SATL1: variants seen among roughly 807,000 people sequenced by gnomAD.
The protein encoded by SATL1 is spermidine/spermine N(1)-acetyltransferase-like protein 1.
A neutral mutation model predicts 51.8 loss-of-function variants in SATL1; 47 were observed. That is an observed-to-expected ratio of 0.91 (90% confidence interval 0.72 to 1.16). The LOEUF (loss-of-function observed/expected upper bound fraction) is 1.16, where lower values mean the gene tolerates loss of function less well. Among genes scored for constraint, SATL1 ranks in the 50% most tolerant of loss-of-function variants. The probability of loss-of-function intolerance (pLI) is 0.00; values close to 1 mark genes in which losing one functional copy is unlikely to be tolerated. For missense variants in SATL1, 520 were observed against 526.4 expected, an observed-to-expected ratio of 0.99 and a Z score of 0.12; for synonymous variants, 176 against 182.4, an observed-to-expected ratio of 0.97 and a Z score of 0.28.
chrX:85,169,290 G>T (rs1402535551), intron 2 of SATL1, among the ~76,000 whole-genome samples: 1 of 111,643 alleles, frequency 9.0e-6, no homozygotes, highest in Non-Finnish European at 1.9e-5. Context: ...TTAAACTAAA[G>T]AGTTTCTGCA....
intron 4 of SATL1, among the ~76,000 whole-genome samples, chrX:85,095,853 A>AG (rs1924704796): frequency 9.4e-5 from 9 of 96,211 alleles, no homozygotes; most frequent in African/African-American, 3.5e-4. Context: ...AAAAAAAAAA[A>AG]GATGGAGAGG....
chrX:85,105,014 T>C (rs976978461), intron 3 of SATL1, among the ~76,000 whole-genome samples: 6 of 111,650 alleles, frequency 5.4e-5, no homozygotes, highest in Non-Finnish European at 1.1e-4. Flanking sequence ...GTTACCATAG[T>C]ATTTTAATTA....
Position 85,114,380 on chromosome X carries a change from C to T in SATL1, c.-312-5100G>A, listed in dbSNP as rs980111650. ...TATTTGTTCACTGCATGCAGTCCTG[C>T]TCTGCTTGATATTCATGAACGTTTT... On this transcript the variant is annotated intron_variant, in intron 2 of 7. Coordinates refer to ENST00000644105, the MANE Select transcript of SATL1 (RefSeq NM_001367857.2). 3.6e-5 allele frequency among the ~76,000 whole-genome samples: 4 copies of T among 111,460 alleles called. No homozygotes were observed. In the South Asian group the frequency reaches 1.1e-3, roughly 32 times the overall value.
At chrX:85,172,341 T>C (rs1431479398) in intron 2 of SATL1, among the ~76,000 whole-genome samples, 1 of 111,536 alleles carries the variant, frequency 9.0e-6, no homozygotes, top group Non-Finnish European at 1.9e-5. Flanking sequence ...GGAGATGTAA[T>C]GTCAAATAAC....
intron 2 of SATL1, among the ~76,000 whole-genome samples, chrX:85,161,848 A>G (rs752501627): frequency 9.0e-6 from 1 of 111,446 alleles, no homozygotes; most frequent in South Asian, 3.8e-4. Flanking sequence ...ATCCAAAACT[A>G]ACAGAATATA....
intron 1 of SATL1, among the ~76,000 whole-genome samples, chrX:85,242,400 C>G (rs892271592): frequency 2.7e-5 from 3 of 112,495 alleles, no homozygotes; most frequent in Non-Finnish European, 5.6e-5. Context: ...CTATGGCCCA[C>G]AAGCCAAATC....
chrX:85,123,816 C>T lies in SATL1; in HGVS notation c.-312-14536G>A, dbSNP rs1184915587. On this transcript the variant is annotated intron_variant, in intron 2 of 7. Coordinates refer to ENST00000644105, the MANE Select transcript of SATL1 (RefSeq NM_001367857.2). ...CTGGTTTCCCTGTCATAGTAATTGC[C>T]AACTATGATTTCATATCAGTCTTTT... 6.3e-5 allele frequency among the ~76,000 whole-genome samples: 7 copies of T among 111,256 alleles called. No homozygotes were observed. The East Asian group carries it at 2.0e-3, about 32-fold the overall frequency.
chrX:85,102,649 T>A (rs1252166670), intron 4 of SATL1, among the ~76,000 whole-genome samples: 1 of 111,319 alleles, frequency 9.0e-6, no homozygotes, highest in Admixed American at 9.6e-5. Flanking sequence ...AGTATTTTGT[T>A]GTTTGTTGTT....
intron 2 of SATL1, chrX:85,153,913 G>A (rs1227430036): frequency 9.0e-6 from 1 of 111,708 alleles, no homozygotes; most frequent in Admixed American, 9.6e-5. Context: ...CTGACCACTA[G>A]TAAGAAATTT....
chrX:85,102,737 T>TAC (rs1380297527), intron 4 of SATL1, among the ~76,000 whole-genome samples: 1 of 111,800 alleles, frequency 8.9e-6, no homozygotes, highest in Non-Finnish European at 1.9e-5. Context: ...CTCAACATAG[T>TAC]ACAGATTGAG....
intron 2 of SATL1, among the ~76,000 whole-genome samples, chrX:85,177,950 A>G (rs1296882909): frequency 8.9e-6 from 1 of 111,813 alleles, no homozygotes; most frequent in Non-Finnish European, 1.9e-5. Context: ...GACTAAGATG[A>G]GATAGAAGAA....
At chrX:85,154,737 T>G (rs1393584483) in intron 2 of SATL1, among the ~76,000 whole-genome samples, 2 of 112,578 alleles carry the variant, frequency 1.8e-5, no homozygotes, top group Non-Finnish European at 3.8e-5. Context: ...CTTAGAAAGC[T>G]GTAAAGCCAT....
intron 2 of SATL1, among the ~76,000 whole-genome samples, chrX:85,195,977 C>T (rs763486364): frequency 2.4e-4 from 26 of 109,513 alleles, no homozygotes; most frequent in South Asian, 7.9e-4. Flanking sequence ...GGGGGAAATC[C>T]CAAGGTTTCA....
At chrX:85,101,807 T>TTA (rs1040711606) in intron 4 of SATL1, among the ~76,000 whole-genome samples, 28 of 110,939 alleles carry the variant, frequency 2.5e-4, no homozygotes, top group African/African-American at 8.9e-4. Context: ...ATATCTCACA[T>TTA]TATATATATA....
chrX:85,148,165 T>C lies in SATL1; in HGVS notation c.-312-38885A>G, dbSNP rs1402313687. 4.5e-5 allele frequency among the ~76,000 whole-genome samples: 5 copies of C among 111,487 alleles called. No individual in the cohort carries two copies. In the East Asian group the frequency reaches 1.4e-3, roughly 32 times the overall value. ...GAGCTGAAAGCCAAGGCTCGAGAAC[T>C]ACGTGAAGAATGCAGAAGCCTCAGG... On this transcript the variant is annotated intron_variant, in intron 2 of 7. Transcript: ENST00000644105.
chrX:85,152,657 G>A (rs1392931759), intron 2 of SATL1, among the ~76,000 whole-genome samples: 1 of 111,715 alleles, frequency 9.0e-6, no homozygotes, highest in Non-Finnish European at 1.9e-5. Context: ...ATGAGTTCAT[G>A]TCCTTTCTAG....
intron 2 of SATL1, among the ~76,000 whole-genome samples, chrX:85,159,961 C>T (rs995358405): frequency 2.7e-5 from 3 of 111,446 alleles, no homozygotes; most frequent in Admixed American, 1.9e-4. Context: ...GTCGGGAGCA[C>T]ATAGGCCCCC....
chrX:85,214,021 T>C (rs1340891337), intron 2 of SATL1, among the ~76,000 whole-genome samples: 1 of 111,662 alleles, frequency 9.0e-6, no homozygotes, highest in Non-Finnish European at 1.9e-5. Flanking sequence ...GTGTATTAGT[T>C]CCCTATTGCT....
At chrX:85,217,122 A>T (rs1928062283) in intron 2 of SATL1, among the ~76,000 whole-genome samples, 1 of 111,936 alleles carries the variant, frequency 8.9e-6, no homozygotes, top group African/African-American at 3.3e-5. Flanking sequence ...ATGGAACTAT[A>T]CTATAGTGTA....
Sources: gnomAD v4.1 joint callset for allele counts (sites outside exome capture counted in the v4.1 genomes callset) on GRCh38, gnomAD v4.1.1 for gene constraint, MANE v1.5 for transcripts, NCBI Gene and HGNC (gene_info 2026-07-23, HGNC 2026-07-21) for gene names.